ZNRF1: variants seen among roughly 807,000 people sequenced by gnomAD.
The protein encoded by ZNRF1 is zinc and ring finger 1.
ZNRF1 carries 3 observed loss-of-function variants against 18.4 expected under a neutral mutation model. That is an observed-to-expected ratio of 0.16 (90% CI 0.07 to 0.42). The LOEUF (loss-of-function observed/expected upper bound fraction) is 0.42. Ranked by LOEUF, ZNRF1 falls within the 10% of genes least tolerant of loss-of-function variation. ZNRF1 has a pLI of 0.99. For missense variants in ZNRF1, 310 were observed against 329.8 expected, an observed-to-expected ratio of 0.94 and a Z score of 0.47; for synonymous variants, 157 against 144.2, an observed-to-expected ratio of 1.09 and a Z score of -0.64.
intron 1 of ZNRF1, among the ~76,000 whole-genome samples, chr16:75,021,702 C>T (rs189455491): frequency 1.3e-3 from 200 of 152,296 alleles, no homozygotes; most frequent in African/African-American, 4.6e-3. Flanking sequence ...GAAAAGTCTT[C>T]TCAACTCTTA....
chr16:75,010,958 C>G (rs2034992614), intron 1 of ZNRF1, among the ~76,000 whole-genome samples: 1 of 152,176 alleles, frequency 6.6e-6, no homozygotes, highest in East Asian at 1.9e-4. Flanking sequence ...ATCCGCCCAC[C>G]TTGGCCTCCC....
intron 2 of ZNRF1, among the ~76,000 whole-genome samples, chr16:75,103,177 G>C (rs550609517): frequency 1.6e-4 from 24 of 152,222 alleles, no homozygotes; most frequent in African/African-American, 5.8e-4. Flanking sequence ...ATTCACTGTC[G>C]CCGGCACGCA....
intron 4 of ZNRF1, chr16:75,106,781 A>C: frequency 3.8e-6 from 2 of 525,752 alleles, no homozygotes; most frequent in Non-Finnish European, 6.9e-6. Flanking sequence ...ACAGTTATGA[A>C]GAACAGGCTC....
chr16:75,012,118 A>T (rs920012133), intron 1 of ZNRF1, among the ~76,000 whole-genome samples: 1 of 152,236 alleles, frequency 6.6e-6, no homozygotes, highest in Non-Finnish European at 1.5e-5. Context: ...TGAGGGGAAC[A>T]TAACCAAAGG....
At chr16:75,003,471 T>A (rs1183602068) in intron 1 of ZNRF1, among the ~76,000 whole-genome samples, 1 of 152,140 alleles carries the variant, frequency 6.6e-6, no homozygotes, top group Non-Finnish European at 1.5e-5. Flanking sequence ...ACTCTGACTC[T>A]ATGGAGTAAG....
intron 1 of ZNRF1, among the ~76,000 whole-genome samples, chr16:75,061,395 G>A (rs1420171045): frequency 2.0e-5 from 3 of 152,040 alleles, no homozygotes; most frequent in Non-Finnish European, 4.4e-5. Flanking sequence ...CAATAAGTGA[G>A]AACATATGAT....
chr16:75,032,940 G>T (rs1319686541), intron 1 of ZNRF1, among the ~76,000 whole-genome samples: 1 of 152,154 alleles, frequency 6.6e-6, no homozygotes, highest in Non-Finnish European at 1.5e-5. Flanking sequence ...TTGAGCCAAG[G>T]TGTTCAAGGC....
intron 1 of ZNRF1, among the ~76,000 whole-genome samples, chr16:75,030,350 TCACAC>T (rs761181992): frequency 6.6e-5 from 10 of 151,448 alleles, no homozygotes; most frequent in Non-Finnish European, 8.8e-5. Context: ...GACCCCTACC[TCACAC>T]CACATACAAA....
chr16:75,035,367 G>A (rs992403655), intron 1 of ZNRF1, among the ~76,000 whole-genome samples: 4 of 152,136 alleles, frequency 2.6e-5, no homozygotes, highest in African/African-American at 9.7e-5. Context: ...GTATACATTT[G>A]ATTTTTCTCT....
chr16:75,095,586 C>T (rs749688146), intron 2 of ZNRF1: 25 of 1,536,528 alleles, frequency 1.6e-5, no homozygotes, highest in South Asian at 1.1e-4. Flanking sequence ...GTAGACACTG[C>T]GTTTGTTGTA....
chr16:75,071,069 C>G (rs1386846109), intron 1 of ZNRF1, among the ~76,000 whole-genome samples: 1 of 150,090 alleles, frequency 6.7e-6, no homozygotes, highest in Non-Finnish European at 1.5e-5. Context: ...GGGACCTCAG[C>G]TGAAAACTAG....
chr16:75,054,001 T>C (rs1186112201), intron 1 of ZNRF1, among the ~76,000 whole-genome samples: 1 of 152,226 alleles, frequency 6.6e-6, no homozygotes, highest in African/African-American at 2.4e-5. Context: ...ATGAACTATG[T>C]GTCTTCCCCT....
intron 1 of ZNRF1, among the ~76,000 whole-genome samples, chr16:75,049,384 T>C (rs1380303069): frequency 6.6e-6 from 1 of 151,754 alleles, no homozygotes; most frequent in Non-Finnish European, 1.5e-5. Context: ...CTGGGTGCAG[T>C]AGCACGATCA....
intron 1 of ZNRF1, among the ~76,000 whole-genome samples, chr16:75,020,454 C>A (rs1404335295): frequency 1.3e-5 from 2 of 152,024 alleles, no homozygotes; most frequent in Non-Finnish European, 2.9e-5. Context: ...TATTTAATAT[C>A]ATTAAATACA....
chr16:75,066,422 A>G (rs1023610511), intron 1 of ZNRF1, among the ~76,000 whole-genome samples: 27 of 152,248 alleles, frequency 1.8e-4, no homozygotes, highest in African/African-American at 6.3e-4. Context: ...TTTTATGTTT[A>G]ACATTCTCAA....
At chr16:75,034,577 C>T (rs1014887243) in intron 1 of ZNRF1, among the ~76,000 whole-genome samples, 1 of 152,114 alleles carries the variant, frequency 6.6e-6, no homozygotes, top group Non-Finnish European at 1.5e-5. Flanking sequence ...ATGCTGTGAA[C>T]ACGAATATAC....
chr16:75,077,424 C>T (rs1261586195), intron 1 of ZNRF1, among the ~76,000 whole-genome samples: 2 of 152,214 alleles, frequency 1.3e-5, no homozygotes, highest in Admixed American at 6.5e-5. Context: ...CCCAGCTATT[C>T]GGGAGGCCGA....
At chr16:75,102,743 C>T (rs1469164211) in intron 2 of ZNRF1, among the ~76,000 whole-genome samples, 1 of 152,216 alleles carries the variant, frequency 6.6e-6, no homozygotes, top group African/African-American at 2.4e-5. Flanking sequence ...CAGCAGCCTC[C>T]TGGAGGTCTC....
intron 1 of ZNRF1, among the ~76,000 whole-genome samples, chr16:75,075,140 A>G (rs2035923152): frequency 1.3e-5 from 2 of 151,990 alleles, no homozygotes; most frequent in Admixed American, 1.3e-4. Context: ...CCTACTCTTC[A>G]TTGTTGGTGG....
Sources: gnomAD v4.1 joint callset for allele counts (sites outside exome capture counted in the v4.1 genomes callset) on GRCh38, gnomAD v4.1.1 for gene constraint, MANE v1.5 for transcripts, NCBI Gene and HGNC (gene_info 2026-07-23, HGNC 2026-07-21) for gene names.